Variants in TMEFF2 observed in about 807,000 individuals in gnomAD.
The protein encoded by TMEFF2 is transmembrane protein with EGF like and two follistatin like domains 2.
In TMEFF2, 28 loss-of-function variants were observed where a neutral mutation model predicts 53.8. The ratio of observed to expected loss-of-function variants is 0.52; its 90% CI spans 0.39 to 0.71. TMEFF2 has a LOEUF of 0.71. Ranked by LOEUF, TMEFF2 falls within the 30% of genes least tolerant of loss-of-function variation. The probability of loss-of-function intolerance (pLI) is 0.00; values close to 1 mark genes in which losing one functional copy is unlikely to be tolerated. For missense variants in TMEFF2, 353 were observed against 455.2 expected (o/e 0.78, Z 2.04); for synonymous variants, 162 against 166.3 (o/e 0.97, Z 0.20).
At position 191,949,780 on chromosome 2, in the gene TMEFF2, A is replaced by G; in HGVS notation, c.*531T>C. 1.0e-6 allele frequency: 1 copy of G among 985,330 alleles called. No individual in the cohort carries two copies. 61.0% of individuals were successfully genotyped at this position (985,330 alleles called of 1,614,324 possible). On this transcript the variant is annotated 3_prime_UTR_variant, in exon 10 of 10. Coordinates refer to ENST00000272771, the MANE Select transcript of TMEFF2 (RefSeq NM_016192.4). ...GAAGAAAGTTGATGAAATAGAGATG[A>G]TTCAAAGATCGGAAATATTTTATCC...
intron 5 of TMEFF2, among the ~76,000 whole-genome samples, chr2:192,048,547 TC>T (rs1687683346): frequency 6.6e-6 from 1 of 151,982 alleles, no homozygotes; most frequent in African/African-American, 2.4e-5. Flanking sequence ...AATATAACCA[TC>T]AAAAATATAT....
intron 5 of TMEFF2, among the ~76,000 whole-genome samples, chr2:192,019,079 GAATA>G (rs1326751241): frequency 6.6e-6 from 1 of 151,704 alleles, no homozygotes; most frequent in East Asian, 1.9e-4. Context: ...TAAATAAAAC[GAATA>G]AATAAAAGTA....
chr2:192,179,719 C>A, intron 3 of TMEFF2, 25 bp from the exon 4 acceptor site: 1 of 1,518,382 alleles, frequency 6.6e-7, no homozygotes, highest in South Asian at 1.4e-5. Context: ...GTTATATTTG[C>A]TAGTAAAACA....
At chr2:191,965,990 GAAAA>G (rs11347194) in intron 7 of TMEFF2, among the ~76,000 whole-genome samples, 271 of 141,310 alleles carry the variant, frequency 1.9e-3, no homozygotes, top group African/African-American at 6.8e-3. Flanking sequence ...TTTGATTTAA[GAAAA>G]AAAAAAAAAA....
chr2:192,068,862 C>A (rs1688222637), intron 4 of TMEFF2, among the ~76,000 whole-genome samples: 1 of 151,444 alleles, frequency 6.6e-6, no homozygotes, highest in South Asian at 2.1e-4. Context: ...ATATAAAAAG[C>A]CAATTTTAAG....
In TMEFF2 at chr2:191,950,393, C is replaced by A. The variant is rs775165358; in HGVS notation, c.1043G>T (p.Ser348Ile). The change falls in exon 10 of 10, where the codon AGC becomes ATC. Residue 348 changes from serine (S) to isoleucine (I), a missense_variant. Coordinates refer to ENST00000272771, the MANE Select transcript of TMEFF2 (RefSeq NM_016192.4). ...TTGCTTCTGTCTGTGAATTCTGTTG[C>A]TTCTGGGGCATTTCCTGGAAGGTTG... ...VLCITRKCPRSNRIHRQKQNT... is the reference protein window; with the variant it reads ...VLCITRKCPRINRIHRQKQNT... 1.9e-5 allele frequency: 31 copies of A among 1,613,896 alleles called. No individual in the cohort carries two copies. The highest frequency in any genetic ancestry group is 2.5e-5 in the Non-Finnish European group (30 of 1,179,938).
At chr2:191,966,793 A>G (rs1692484552) in intron 7 of TMEFF2, among the ~76,000 whole-genome samples, 1 of 152,226 alleles carries the variant, frequency 6.6e-6, no homozygotes, top group African/African-American at 2.4e-5. Context: ...AAACACCACA[A>G]TTAGCAGCAC....
intron 4 of TMEFF2, among the ~76,000 whole-genome samples, chr2:192,148,432 C>T (rs1690305250): frequency 6.6e-6 from 1 of 151,998 alleles, no homozygotes; most frequent in African/African-American, 2.4e-5. Flanking sequence ...CCTAGGTTTG[C>T]ATTCCTCTTC....
chr2:192,166,683 G>T (rs546709464), intron 4 of TMEFF2, among the ~76,000 whole-genome samples: 176 of 152,190 alleles, frequency 1.2e-3, no homozygotes, highest in Non-Finnish European at 2.0e-3. Context: ...CCTGCAAAAC[G>T]GGGCAACAAA....
At chr2:192,168,818 TTTTTAAA>T (rs1444640935) in intron 4 of TMEFF2, among the ~76,000 whole-genome samples, 1 of 152,134 alleles carries the variant, frequency 6.6e-6, no homozygotes, top group African/African-American at 2.4e-5. Context: ...GCACACTTTC[TTTTTAAA>T]TTTTATTTTT....
At chr2:192,056,476 T>C (rs1182009405) in intron 5 of TMEFF2, among the ~76,000 whole-genome samples, 3 of 152,112 alleles carry the variant, frequency 2.0e-5, no homozygotes, top group African/African-American at 7.2e-5. Flanking sequence ...CTTTTCATTA[T>C]CATGACACAA....
chr2:191,991,636 A>T (rs1321137401), intron 7 of TMEFF2, among the ~76,000 whole-genome samples: 1 of 152,104 alleles, frequency 6.6e-6, no homozygotes, highest in Non-Finnish European at 1.5e-5. Flanking sequence ...TTGTGGTTAC[A>T]ACCGCTAAAC....
chr2:192,172,846 G>T (rs1253393055), intron 4 of TMEFF2, among the ~76,000 whole-genome samples: 1 of 151,896 alleles, frequency 6.6e-6, no homozygotes, highest in Non-Finnish European at 1.5e-5. Context: ...TATAGTTGTT[G>T]CAAAGAAGTA....
chr2:192,147,437 C>T (rs1273227559), intron 4 of TMEFF2, among the ~76,000 whole-genome samples: 1 of 151,830 alleles, frequency 6.6e-6, no homozygotes, highest in Non-Finnish European at 1.5e-5. Flanking sequence ...CCCATTAACT[C>T]GTCATTTACG....
chr2:192,131,891 C>T (rs1277702036), intron 4 of TMEFF2, among the ~76,000 whole-genome samples: 2 of 152,182 alleles, frequency 1.3e-5, no homozygotes, highest in Non-Finnish European at 2.9e-5. Context: ...CCTACAAGAT[C>T]TAAATAATTC....
intron 4 of TMEFF2, among the ~76,000 whole-genome samples, chr2:192,167,565 A>G (rs116425628): frequency 0.018 from 2,711 of 152,230 alleles, 32 homozygotes; most frequent in Non-Finnish European, 0.027. Context: ...TTTGCATAGA[A>G]AAGTCCTTTT....
intron 8 of TMEFF2, 148 bp downstream of exon 8, chr2:191,956,107 T>C: frequency 1.3e-6 from 1 of 755,108 alleles, no homozygotes; most frequent in South Asian, 1.9e-5. Flanking sequence ...TGTGTATGTG[T>C]GTATGCATGC....
intron 4 of TMEFF2, among the ~76,000 whole-genome samples, chr2:192,078,530 T>C (rs935502568): frequency 1.3e-5 from 2 of 152,180 alleles, no homozygotes; most frequent in African/African-American, 4.8e-5. Flanking sequence ...GTGTTAGAGA[T>C]ACATTGCAGA....
chr2:192,072,606 A>G (rs1386718398), intron 4 of TMEFF2, among the ~76,000 whole-genome samples: 1 of 151,750 alleles, frequency 6.6e-6, no homozygotes, highest in Non-Finnish European at 1.5e-5. Context: ...TCCCTGAAAA[A>G]TATGTGGTGT....
Sources: allele counts gnomAD v4.1 joint callset (sites outside exome capture counted in the v4.1 genomes callset), GRCh38; gene constraint gnomAD v4.1.1; transcripts MANE v1.5; gene names NCBI Gene and HGNC (gene_info 2026-07-23, HGNC 2026-07-21).